ZNF75A: variants seen among roughly 807,000 people sequenced by gnomAD.
The protein encoded by ZNF75A is zinc finger protein 75A.
ZNF75A carries 36 observed loss-of-function variants against 46.3 expected under a neutral mutation model. The ratio of observed to expected loss-of-function variants is 0.78; its 90% confidence interval spans 0.60 to 1.03. The LOEUF (loss-of-function observed/expected upper bound fraction) is 1.03. Ranked by LOEUF, ZNF75A falls within the 50% of genes least tolerant of loss-of-function variation. The pLI is 0.00. For missense variants in ZNF75A, 595 were observed against 551.3 expected, an observed-to-expected ratio of 1.08 and a Z score of -0.79; for synonymous variants, 234 against 189.9, an observed-to-expected ratio of 1.23 and a Z score of -1.91.
intron 2 of ZNF75A, 94 bp downstream of exon 2, chr16:3,308,930 G>A (rs1960492536): frequency 2.4e-6 from 2 of 826,594 alleles, no homozygotes; most frequent in Non-Finnish European, 2.9e-6. Context: ...AGATGGATTA[G>A]GTAGGTCATT....
intron 1 of ZNF75A, 123 bp from the exon 2 acceptor site, chr16:3,308,190 T>A (rs971351909): frequency 1.9e-5 from 3 of 153,858 alleles, no homozygotes. Flanking sequence ...ACAAAGGGCC[T>A]GCTAGTTGAT....
At position 3,305,611 on chromosome 16, in the gene ZNF75A, G is replaced by C. The variant is rs1567262881; in HGVS notation, c.-149G>C. 1 of 152,266 alleles carries C rather than the reference G, an allele frequency of 6.6e-6. No homozygotes were observed. Among genetic ancestry groups the C allele is most frequent in the Non-Finnish European group, 1.5e-5 (1 of 68,070 alleles). 9.4% of individuals were successfully genotyped at this position (152,266 alleles called of 1,614,324 possible). ...CTTGCGTTTGAGCCTCAGAAAGCGAGGAGCGGCCTCCACGGAAGCCAAGCT... is the reference window on the plus strand; with the variant it reads ...CTTGCGTTTGAGCCTCAGAAAGCGACGAGCGGCCTCCACGGAAGCCAAGCT... On this transcript the variant is annotated 5_prime_UTR_variant, in exon 1 of 7. Transcript: ENST00000669516.
At position 3,317,796 on chromosome 16, in the gene ZNF75A, A is replaced by G. The variant is rs757663970; in HGVS notation, c.1541A>G (p.Tyr514Cys). The G allele has an allele frequency of 2.5e-6, 4 of 1,614,184 alleles. No homozygotes were observed. The highest frequency in any genetic ancestry group is 2.2e-5 in the East Asian group (1 of 44,882). The change falls in exon 7 of 7, where the codon TAT becomes TGT. Residue 514 changes from tyrosine (Y) to cysteine (C), a missense_variant. Coordinates refer to ENST00000669516, the MANE Select transcript of ZNF75A (RefSeq NM_001302109.2). ...HRRTHTGEQP[Y>C]TCSICRRNFS... ...AGAACCCACACAGGTGAGCAGCCATATACTTGTAGCATATGCAGGAGAAAC... is the reference window on the plus strand; with the variant it reads ...AGAACCCACACAGGTGAGCAGCCATGTACTTGTAGCATATGCAGGAGAAAC...
chr16:3,317,211 C>G lies in ZNF75A; in HGVS notation c.956C>G (p.Thr319Ser), dbSNP rs1961281108. 6.2e-7 allele frequency: 1 copy of G among 1,611,234 alleles called. No individual in the cohort carries two copies. The highest frequency in any genetic ancestry group is 8.5e-7 in the Non-Finnish European group (1 of 1,178,716). ...SPTGLKLKND[T>S]ENHQPVSLSD... ...ACAGGGTTAAAGCTCAAAAACGACA[C>G]TGAAAATCATCAGCCTGTGTCTCTT... The change falls in exon 7 of 7, where the codon ACT (threonine) becomes AGT (serine). Residue 319 changes from threonine to serine, a missense_variant. Coordinates refer to ENST00000669516, the MANE Select transcript of ZNF75A (RefSeq NM_001302109.2).
chr16:3,310,116 C>G (rs1358096752), intron 2 of ZNF75A, among the ~76,000 whole-genome samples: 1 of 151,622 alleles, frequency 6.6e-6, no homozygotes, highest in Admixed American at 6.6e-5. Context: ...ATGTTTTAGG[C>G]CAGGCGTGGT....
chr16:3,306,246 G>C (rs1052241869), intron 1 of ZNF75A: 2 of 152,104 alleles, frequency 1.3e-5, no homozygotes, highest in African/African-American at 4.8e-5. Flanking sequence ...AAAGTCAGCA[G>C]AAAGTTTCAC....
rs1310340061 is a variant in ZNF75A at position 3,316,942 on chromosome 16, T to C, written c.854T>C (p.Ile285Thr). 3 of 1,613,650 alleles carry C rather than the reference T, an allele frequency of 1.9e-6. No homozygotes were observed. In the East Asian group the frequency reaches 6.7e-5, roughly 36 times the overall value. The change falls in exon 6 of 7, where the codon ATC becomes ACC. Residue 285 changes from isoleucine to threonine, a missense_variant. By Grantham distance (89) the Ile-to-Thr change is moderately conservative. Coordinates refer to ENST00000669516, the MANE Select transcript of ZNF75A (RefSeq NM_001302109.2). Reference protein sequence around the residue: ...ALFVLPKPKVISCLEQGEEPW... With the variant: ...ALFVLPKPKVTSCLEQGEEPW... ...TTTGTGCTCCCCAAACCTAAAGTGA[T>C]CTCCTGTCTAGAGCAAGGGGAAGAG...
chr16:3,307,276 G>GTT (rs1960354848), intron 1 of ZNF75A: 1 of 152,074 alleles, frequency 6.6e-6, no homozygotes, highest in Non-Finnish European at 1.5e-5. Flanking sequence ...TTACTACAGT[G>GTT]TTTTATTGTT....
rs1960820637 is a variant in ZNF75A, at chr16:3,311,791, G to A, written c.447G>A (p.Leu149=). The A allele has an allele frequency of 5.7e-6, 6 of 1,050,262 alleles. No individual in the cohort carries two copies. Among genetic ancestry groups the A allele is most frequent in the Non-Finnish European group, 7.0e-6 (6 of 862,996 alleles). 65.1% of individuals were successfully genotyped at this position (1,050,262 alleles called of 1,614,324 possible). A position where few individuals can be genotyped will look rare whatever the true frequency, so the allele number is the denominator to read the frequency against. Residue 149 remains leucine, a synonymous_variant, in exon 3 of 7, where the codon TTG becomes TTA. Transcript: ENST00000669516. ...AGCTGGGAAAGGAGGCAGTGCTCTT[G>A]GGAGAAACAGCAGAGGCCTCAAGTT... ...VHELGKEAVL[L]GETAEASSFG...
Position 3,318,415 on chromosome 16 carries a change from G to A in ZNF75A, c.*546G>A, listed in dbSNP as rs1005835928. 1.0e-6 allele frequency: 1 copy of A among 986,418 alleles called. No homozygotes were observed. The highest frequency in any genetic ancestry group is 1.2e-6 in the Non-Finnish European group (1 of 830,822). The allele number at this position is 986,418 out of a possible 1,614,324, so 61.1% of individuals were successfully genotyped here. ...GTTAACCACCACTAGGGAATCTCCA[G>A]ATGAACTATTAATGCACTGTCTTAT... On this transcript the variant is annotated 3_prime_UTR_variant, in exon 7 of 7. Transcript: ENST00000669516.
chr16:3,319,798 T>TA (rs33941495), downstream of ZNF75A, among the ~76,000 whole-genome samples: 13 of 52,304 alleles, frequency 2.5e-4, no homozygotes, highest in African/African-American at 4.9e-4. Context: ...TTTTTTTTTA[T>TA]TTTTTTTTTT....
At chr16:3,308,999 A>G (rs935955519) in intron 2 of ZNF75A, 163 bp downstream of exon 2, 1 of 244,556 alleles carries the variant, frequency 4.1e-6, no homozygotes, top group African/African-American at 2.3e-5. Flanking sequence ...GCCCACAGAA[A>G]AGTTCACAGG....
chr16:3,316,611 G>A (rs539529245), intron 5 of ZNF75A: 1 of 202,052 alleles, frequency 4.9e-6, no homozygotes, highest in East Asian at 1.2e-4. Flanking sequence ...TCTGGAGCTT[G>A]GTTCCCCCTT....
intron 2 of ZNF75A, 76 bp from the exon 3 acceptor site, chr16:3,311,677 T>C: frequency 1.2e-6 from 1 of 803,126 alleles, no homozygotes; most frequent in Non-Finnish European, 1.5e-6. Context: ...ATGTGGGCTG[T>C]ACACCTGTCG....
In ZNF75A at chr16:3,317,353, G is replaced by A. The variant is rs760314318; in HGVS notation, c.1098G>A (p.Trp366Ter). The A allele has an allele frequency of 1.2e-6, 2 of 1,614,084 alleles. No individual in the cohort carries two copies. Among genetic ancestry groups the A allele is most frequent in the South Asian group, 1.1e-5 (1 of 91,078 alleles). Residue 366 changes from tryptophan (W) to a stop codon, truncating the protein, a stop_gained, in exon 7 of 7, where the codon TGG becomes TGA. Transcript: ENST00000669516. LOFTEE classifies it high-confidence loss of function. ...NHFDMHRVGK[W>*]HQDFPVKKRK... Reference sequence around the variant, plus strand: ...TTGATATGCACAGAGTGGGAAAATGGCACCAAGATTTTCCAGTGAAGAAAA... The same window carrying A: ...TTGATATGCACAGAGTGGGAAAATGACACCAAGATTTTCCAGTGAAGAAAA...
In ZNF75A at chr16:3,318,457, GT is replaced by G. The variant is rs371994832; in HGVS notation, c.*591del. 112 of 985,438 alleles carry G rather than the reference GT, an allele frequency of 1.1e-4. 2 individuals carry two copies. The South Asian group carries it at 4.9e-3, about 43-fold the overall frequency. 61.0% of individuals were successfully genotyped at this position (985,438 alleles called of 1,614,324 possible). A position where few individuals can be genotyped will look rare whatever the true frequency, so the allele number is the denominator to read the frequency against. On this transcript the variant is annotated 3_prime_UTR_variant, in exon 7 of 7. Coordinates refer to ENST00000669516, the MANE Select transcript of ZNF75A (RefSeq NM_001302109.2). ...CTGTCTTATGCCTCTCATTGGTGAT[GT>G]TTGGAAAATAGAAGACATCTCTAAT...
Position 3,311,848 on chromosome 16 carries a change from G to T in ZNF75A, c.504G>T (p.Val168=). The change falls in exon 3 of 7, where the codon GTG becomes GTT. Residue 168 remains valine (V), a synonymous_variant. Coordinates refer to ENST00000669516, the MANE Select transcript of ZNF75A (RefSeq NM_001302109.2). The part of the protein sequence containing the change: ...FGLKPTESQP[V]GVSQDEEFWN... Reference sequence around the variant, plus strand: ...TGAAGCCAACAGAGTCCCAACCAGTGGGCGTATCCCAAGATGAAGAATTTT... The same window carrying T: ...TGAAGCCAACAGAGTCCCAACCAGTTGGCGTATCCCAAGATGAAGAATTTT... 9.6e-7 allele frequency: 1 copy of T among 1,041,336 alleles called. No individual in the cohort carries two copies. The highest frequency in any genetic ancestry group is 3.6e-5 in the South Asian group (1 of 27,834). The allele number at this position is 1,041,336 out of a possible 1,614,324, so 64.5% of individuals were successfully genotyped here.
rs966988258 is a variant in ZNF75A, at chr16:3,318,312, C to A, written c.*443C>A. 3.3e-5 allele frequency: 33 copies of A among 989,510 alleles called. No homozygotes were observed. The highest frequency in any genetic ancestry group is 4.8e-6 in the Non-Finnish European group (4 of 832,738). The allele number at this position is 989,510 out of a possible 1,614,324, so 61.3% of individuals were successfully genotyped here. On this transcript the variant is annotated 3_prime_UTR_variant, in exon 7 of 7. Transcript: ENST00000669516. ...GGACACGGTTTGCAAAGTTGGACAT[C>A]ACTTGAGTTCCTTCTTAAACTTTTC...
rs988479890 is a variant in ZNF75A at position 3,317,456 on chromosome 16, C to A, written c.1201C>A (p.Pro401Thr). 1 of 1,613,952 alleles carries A rather than the reference C, an allele frequency of 6.2e-7. No individual in the cohort carries two copies. Among genetic ancestry groups the A allele is most frequent in the African/African-American group, 1.3e-5 (1 of 74,908 alleles). The change falls in exon 7 of 7, where the codon CCT becomes ACT. Residue 401 changes from proline to threonine, a missense_variant. Coordinates refer to ENST00000669516, the MANE Select transcript of ZNF75A (RefSeq NM_001302109.2). ...RHKKDCAREK[P>T]FKCQECGKTF... The stretch of plus-strand genomic sequence containing the variant: ...CAAGAAAGATTGTGCAAGAGAGAAG[C>A]CTTTTAAATGTCAGGAATGTGGGAA...
Sources: allele counts gnomAD v4.1 joint callset (sites outside exome capture counted in the v4.1 genomes callset), GRCh38; gene constraint gnomAD v4.1.1; transcripts MANE v1.5; gene names NCBI Gene and HGNC (gene_info 2026-07-23, HGNC 2026-07-21).